Variants in WNK2 observed in about 807,000 individuals in gnomAD.
The protein encoded by WNK2 is serine/threonine-protein kinase WNK2.
Under a neutral mutation model 192.1 loss-of-function variants are expected in WNK2, and 67 were observed. The ratio of observed to expected loss-of-function variants is 0.35; its 90% confidence interval spans 0.29 to 0.43. The LOEUF (loss-of-function observed/expected upper bound fraction) is 0.43, where lower values mean the gene tolerates loss of function less well. Among genes scored for constraint, WNK2 ranks in the 20% least tolerant of loss-of-function variants. The pLI, the probability that WNK2 is intolerant of heterozygous loss-of-function variation, is 1.00. For missense variants in WNK2, 2,698 were observed against 3,089.7 expected, an observed-to-expected ratio of 0.87 and a Z score of 3.01; for synonymous variants, 1,439 against 1,393.9, an observed-to-expected ratio of 1.03 and a Z score of -0.72.
chr9:93,279,460 A>G (rs971796836), intron 19 of WNK2, among the ~76,000 whole-genome samples: 2 of 152,226 alleles, frequency 1.3e-5, no homozygotes, highest in African/African-American at 4.8e-5. Context: ...CGCCCTGTTC[A>G]TGGGTCAGAA....
intron 19 of WNK2, among the ~76,000 whole-genome samples, chr9:93,273,725 C>T (rs564225437): frequency 3.3e-5 from 5 of 152,244 alleles, no homozygotes; most frequent in South Asian, 2.1e-4. Context: ...TTTTCAAGTA[C>T]GTATGGAACA....
rs56188490 is a variant in WNK2, at chr9:93,297,970, C to T, written c.5826C>T (p.Pro1942=). ...TGGGCTTCTTCCACACGGCACCCCC[C>T]ACTGGCCGCCGGAGAAAAACCAGCA... ...PNVGFFHTAP[P]TGRRRKTSKS... is the part of the protein sequence containing the mutation. Residue 1942 remains proline, a synonymous_variant, in exon 24 of 30, where the codon CCC becomes CCT. Transcript: ENST00000427277. 15 of 1,570,738 alleles carry T rather than the reference C, an allele frequency of 9.5e-6. No individual in the cohort carries two copies. In the African/African-American group the frequency reaches 1.6e-4, roughly 17 times the overall value.
intron 4 of WNK2, among the ~76,000 whole-genome samples, chr9:93,233,701 CAAAAAAAA>C (rs34665591): frequency 2.0e-5 from 2 of 100,322 alleles, no homozygotes; most frequent in Admixed American, 1.2e-4. Flanking sequence ...GATTCCGTCT[CAAAAAAAA>C]AAAAAAAAAA....
chr9:93,218,925 G>C (rs1398400219), intron 2 of WNK2, among the ~76,000 whole-genome samples: 1 of 152,208 alleles, frequency 6.6e-6, no homozygotes, highest in Non-Finnish European at 1.5e-5. Flanking sequence ...GATGTGACAG[G>C]TTGGCTCTCA....
intron 29 of WNK2, chr9:93,318,521 G>A: frequency 1.2e-6 from 2 of 1,614,114 alleles, no homozygotes; most frequent in Non-Finnish European, 1.7e-6. Flanking sequence ...CGTTAGGTGA[G>A]CAGACATGCC....
chr9:93,306,937 C>A (rs781359186), intron 27 of WNK2, 116 bp downstream of exon 27: 2 of 1,300,712 alleles, frequency 1.5e-6, no homozygotes, highest in East Asian at 4.6e-5. Context: ...GTGCCTGCCC[C>A]GCGCCTGCTC....
intron 5 of WNK2, among the ~76,000 whole-genome samples, chr9:93,236,445 A>G (rs918538230): frequency 4.6e-5 from 7 of 152,226 alleles, no homozygotes; most frequent in Admixed American, 4.6e-4. Context: ...CTATATTAAG[A>G]GTCAGGTGAA....
chr9:93,259,219 C>T lies in WNK2; in HGVS notation c.2671C>T (p.Pro891Ser), dbSNP rs750322431. ...CACTATCCCCCTGCTGGCCGTAGCC[C>T]CACCGGGCGTGGCTGCCCTGTCCAT... ...PATIPLLAVA[P>S]PGVAALSIHS... The change falls in exon 12 of 30, where the codon CCA becomes TCA. Residue 891 changes from proline (P) to serine (S), a missense_variant. Physicochemically the swap from Pro to Ser is moderately conservative, Grantham distance 74 (BLOSUM62 -1). Transcript: ENST00000427277. This position sits in a 1 kb window ranked among gnomAD's most constrained non-coding sequence, Gnocchi z 4.8. 3 of 1,613,138 alleles carry T rather than the reference C, an allele frequency of 1.9e-6. No individual in the cohort carries two copies. In the South Asian group the frequency reaches 3.3e-5, roughly 18 times the overall value.
intron 26 of WNK2, among the ~76,000 whole-genome samples, chr9:93,300,794 A>G (rs1325430591): frequency 6.6e-6 from 1 of 152,140 alleles, no homozygotes; most frequent in Non-Finnish European, 1.5e-5. Context: ...GGGCCTCCCC[A>G]GCCCCTCCCC....
At chr9:93,260,738 G>A (rs879632311) in intron 12 of WNK2, among the ~76,000 whole-genome samples, 8 of 152,206 alleles carry the variant, frequency 5.3e-5, no homozygotes, top group Non-Finnish European at 7.3e-5. Context: ...ACAGTGAGTG[G>A]GAAGAATCGC....
intron 19 of WNK2, among the ~76,000 whole-genome samples, chr9:93,281,917 A>G (rs946926780): frequency 2.0e-5 from 3 of 152,224 alleles, no homozygotes; most frequent in African/African-American, 7.2e-5. Flanking sequence ...TTCCATGAAG[A>G]TGAAATGAAG....
chr9:93,256,383 G>A lies in WNK2; in HGVS notation c.2119G>A (p.Ala707Thr), dbSNP rs758273088. 2.9e-5 allele frequency: 46 copies of A among 1,564,120 alleles called. No homozygotes were observed. The highest frequency in any genetic ancestry group is 1.6e-4 in the Admixed American group (9 of 55,268). The change falls in exon 10 of 30, where the codon GCC (alanine) becomes ACC (threonine). Residue 707 changes from alanine (A) to threonine (T), a missense_variant. By Grantham distance (58) the Ala-to-Thr change is moderately conservative. This residue lies in a region of WNK2 where 893 missense variants were observed against 909.0 expected (regional missense o/e 0.98). Transcript: ENST00000427277. ...QHFPDPAMSF[A>T]PVLPPPSTPM... The stretch of plus-strand genomic sequence containing the variant: ...CTTCCCGGATCCGGCCATGAGCTTC[G>A]CCCCCGTGCTGCCGCCGCCCAGCAC...
chr9:93,249,472 CT>C (rs1842226601), intron 8 of WNK2, among the ~76,000 whole-genome samples: 1 of 152,108 alleles, frequency 6.6e-6, no homozygotes, highest in Non-Finnish European at 1.5e-5. Flanking sequence ...CTCAAAAACA[CT>C]TTTTTTGTTG....
At chr9:93,262,173 T>C in intron 13 of WNK2, 66 bp downstream of exon 13, 1 of 1,496,154 alleles carries the variant, frequency 6.7e-7, no homozygotes, top group South Asian at 1.3e-5. Flanking sequence ...ATCTGCATAG[T>C]GACCTGGGGT....
chr9:93,262,191 C>T, intron 13 of WNK2, 84 bp downstream of exon 13: 1 of 1,459,802 alleles, frequency 6.9e-7, no homozygotes, highest in African/African-American at 1.4e-5. Flanking sequence ...GGTCTTAGTC[C>T]TAGAGGTCGG....
rs565763939 is a variant in WNK2 at position 93,253,927 on chromosome 9, G to T, written c.2034+845G>T. On this transcript the variant is annotated intron_variant, in intron 9 of 29. Transcript: ENST00000427277. The stretch of plus-strand genomic sequence containing the variant: ...CAGAGCGTAGTTTGTTTATTTATTT[G>T]TTTATTTGAGATGGAGTCTTGCTCT... 2.6e-5 allele frequency among the ~76,000 whole-genome samples: 4 copies of T among 152,248 alleles called. No individual in the cohort carries two copies. The South Asian group carries it at 8.3e-4, about 32-fold the overall frequency.
intron 5 of WNK2, 44 bp from the exon 6 acceptor site, chr9:93,238,189 C>T: frequency 1.9e-6 from 3 of 1,595,292 alleles, no homozygotes; most frequent in Non-Finnish European, 2.6e-6. Flanking sequence ...GCCTCGCCTT[C>T]CGGCAGCCGA....
At chr9:93,284,455 T>C (rs1262356675) in intron 19 of WNK2, among the ~76,000 whole-genome samples, 2 of 152,198 alleles carry the variant, frequency 1.3e-5, no homozygotes, top group Non-Finnish European at 2.9e-5. Context: ...AAATTCTGTT[T>C]TTACAAAAAA....
At chr9:93,275,602 A>G in intron 19 of WNK2, among the ~76,000 whole-genome samples, 1 of 152,208 alleles carries the variant, frequency 6.6e-6, no homozygotes, top group Admixed American at 6.5e-5. Context: ...TCTTAGCCAG[A>G]TTTAAAGACA....
Sources: allele counts gnomAD v4.1 joint callset (sites outside exome capture counted in the v4.1 genomes callset), GRCh38; gene constraint gnomAD v4.1.1; regional missense constraint gnomAD v4.1.1; non-coding constraint Gnocchi (gnomAD v3.1); transcripts MANE v1.5; gene names NCBI Gene and HGNC (gene_info 2026-07-23, HGNC 2026-07-21).